Variants in GNAQ observed in about 807,000 individuals in gnomAD.
GNAQ encodes G protein subunit alpha q.
GNAQ carries 8 observed loss-of-function variants against 43.9 expected under a neutral mutation model. The observed-to-expected ratio is 0.18, with a 90% CI of 0.11 to 0.33. GNAQ has a LOEUF of 0.33. Among genes scored for constraint, GNAQ ranks in the 10% least tolerant of loss-of-function variants. GNAQ has a pLI of 1.00. For synonymous variants in GNAQ, 155 were observed against 170.7 expected (o/e 0.91, Z 0.71); for missense variants, 158 against 450.8 (o/e 0.35, Z 5.88).
chr9:77,759,473 T>C (rs1825954809), intron 5 of GNAQ, among the ~76,000 whole-genome samples: 1 of 152,092 alleles, frequency 6.6e-6, no homozygotes. Context: ...TCTGAGATAA[T>C]ATGCTTTTCT....
At chr9:77,898,620 A>AATGGATGGATGG (rs3083216) in intron 2 of GNAQ, among the ~76,000 whole-genome samples, 8 of 150,686 alleles carry the variant, frequency 5.3e-5, no homozygotes, top group South Asian at 2.1e-4. Flanking sequence ...TGAATGAATA[A>AATGGATGGATGG]ATGGATGGAT....
rs555898114 is a variant in GNAQ, at chr9:77,775,511, G to A, written c.735+18952C>T. 5.3e-5 allele frequency among the ~76,000 whole-genome samples: 8 copies of A among 149,586 alleles called. 1 individual carries two copies. The South Asian group carries it at 1.3e-3, about 24-fold the overall frequency. ...TGCAAGCTCTGCCTCCCGGGTTCAC[G>A]CCATTCTCCTGCCTCAGCCTCCCGA... is the stretch of plus-strand genomic sequence containing the variant. On this transcript the variant is annotated intron_variant, in intron 5 of 6. Coordinates refer to ENST00000286548, the MANE Select transcript of GNAQ (RefSeq NM_002072.5).
intron 2 of GNAQ, 70 bp downstream of exon 2, chr9:77,922,091 C>T: frequency 2.9e-6 from 3 of 1,032,890 alleles, no homozygotes; most frequent in South Asian, 1.4e-5. Flanking sequence ...CAAGAGGCTA[C>T]TCGTGTTGTC....
intron 2 of GNAQ, among the ~76,000 whole-genome samples, chr9:77,826,079 A>G (rs937039036): frequency 1.3e-5 from 2 of 152,234 alleles, no homozygotes; most frequent in Admixed American, 6.5e-5. Context: ...CCATATTCCA[A>G]GAGGACAACA....
intron 1 of GNAQ, among the ~76,000 whole-genome samples, chr9:77,982,865 C>T (rs1406959168): frequency 1.5e-5 from 2 of 136,050 alleles, no homozygotes; most frequent in Admixed American, 7.1e-5. Context: ...TTAATGGGTG[C>T]GGCACACACC....
chr9:77,763,150 A>AAAAAAAC (rs1826080897), intron 5 of GNAQ, among the ~76,000 whole-genome samples: 1 of 151,730 alleles, frequency 6.6e-6, no homozygotes, highest in African/African-American at 2.4e-5. Flanking sequence ...ACAAAAAAAA[A>AAAAAAAC]AAAAACAAAG....
intron 1 of GNAQ, among the ~76,000 whole-genome samples, chr9:77,997,254 C>G (rs1823581023): frequency 6.6e-6 from 1 of 152,208 alleles, no homozygotes; most frequent in South Asian, 2.1e-4. Flanking sequence ...TGAGTATTCT[C>G]AAGGCCTCCA....
At chr9:77,834,243 G>C (rs1827347252) in intron 2 of GNAQ, among the ~76,000 whole-genome samples, 1 of 152,156 alleles carries the variant, frequency 6.6e-6, no homozygotes, top group Non-Finnish European at 1.5e-5. Context: ...ACAATATTTT[G>C]CACTTCCTCA....
chr9:77,836,924 T>C (rs1183197492), intron 2 of GNAQ, among the ~76,000 whole-genome samples: 1 of 152,216 alleles, frequency 6.6e-6, no homozygotes, highest in Non-Finnish European at 1.5e-5. Flanking sequence ...TCTATTTTTC[T>C]TTCATGGCAG....
At chr9:78,003,747 C>A (rs970327766) in intron 1 of GNAQ, among the ~76,000 whole-genome samples, 1 of 149,644 alleles carries the variant, frequency 6.7e-6, no homozygotes, top group East Asian at 2.0e-4. Context: ...ACCGGGGAGG[C>A]AGAGGTTGCA....
chr9:77,951,672 G>A (rs1023825149), intron 1 of GNAQ, among the ~76,000 whole-genome samples: 6 of 152,174 alleles, frequency 3.9e-5, no homozygotes, highest in South Asian at 2.1e-4. Flanking sequence ...ACCACAGAAG[G>A]GGTTACTTTA....
At chr9:77,983,844 G>A (rs183101662) in intron 1 of GNAQ, among the ~76,000 whole-genome samples, 7 of 151,818 alleles carry the variant, frequency 4.6e-5, no homozygotes, top group Admixed American at 2.6e-4. Context: ...AGGAAGTCAC[G>A]GTCAGAACTT....
intron 2 of GNAQ, among the ~76,000 whole-genome samples, chr9:77,887,353 T>A (rs1587387975): frequency 6.6e-6 from 1 of 152,212 alleles, no homozygotes. Context: ...TTACCTATTC[T>A]TTTAGTCTGT....
intron 1 of GNAQ, among the ~76,000 whole-genome samples, chr9:77,964,457 A>G (rs955895644): frequency 6.6e-5 from 10 of 152,190 alleles, no homozygotes; most frequent in Non-Finnish European, 1.5e-4. Flanking sequence ...CCAAACTGAC[A>G]TAGGCTGCTT....
At chr9:77,783,234 G>A (rs1826424000) in intron 5 of GNAQ, among the ~76,000 whole-genome samples, 1 of 152,138 alleles carries the variant, frequency 6.6e-6, no homozygotes, top group South Asian at 2.1e-4. Flanking sequence ...CCTGCATGTG[G>A]GGTAGAAGAT....
At chr9:77,966,217 G>T (rs1399778399) in intron 1 of GNAQ, among the ~76,000 whole-genome samples, 1 of 152,082 alleles carries the variant, frequency 6.6e-6, no homozygotes, top group Non-Finnish European at 1.5e-5. Context: ...CTTCAGGTTT[G>T]ATGAATATAT....
intron 5 of GNAQ, among the ~76,000 whole-genome samples, chr9:77,792,281 A>G (rs536656668): frequency 5.9e-5 from 9 of 152,152 alleles, no homozygotes; most frequent in Non-Finnish European, 1.0e-4. Context: ...TCCTAATGAA[A>G]AAATGATAGC....
At chr9:77,833,093 A>G (rs913459937) in intron 2 of GNAQ, among the ~76,000 whole-genome samples, 2 of 152,022 alleles carry the variant, frequency 1.3e-5, no homozygotes, top group African/African-American at 4.8e-5. Flanking sequence ...CAGGCTCCCA[A>G]GTAGTTGGGA....
At chr9:77,986,926 A>T (rs1823446180) in intron 1 of GNAQ, among the ~76,000 whole-genome samples, 1 of 150,132 alleles carries the variant, frequency 6.7e-6, no homozygotes, top group Non-Finnish European at 1.5e-5. Context: ...GAGGATAAAG[A>T]TTTTATTCTT....
Sources: gnomAD v4.1 joint callset for allele counts (sites outside exome capture counted in the v4.1 genomes callset) on GRCh38, gnomAD v4.1.1 for gene constraint, MANE v1.5 for transcripts, NCBI Gene and HGNC (gene_info 2026-07-23, HGNC 2026-07-21) for gene names.